The following ADCY8 variants were observed in gnomAD, a reference collection of about 807,000 sequenced individuals.
ADCY8 encodes adenylate cyclase type 8.
Under a neutral mutation model 119.7 loss-of-function variants are expected in ADCY8, and 51 were observed. That is an observed-to-expected ratio of 0.43 (90% confidence interval 0.34 to 0.54). The LOEUF is 0.54. Ranked by LOEUF, ADCY8 falls within the 20% of genes least tolerant of loss-of-function variation. The pLI, the probability that ADCY8 is intolerant of heterozygous loss-of-function variation, is 0.03. For missense variants in ADCY8, 1,383 were observed against 1,598.8 expected (o/e 0.87, Z 2.30); for synonymous variants, 665 against 651.0 (o/e 1.02, Z -0.33).
At chr8:131,011,409 T>C (rs1292317806) in intron 1 of ADCY8, among the ~76,000 whole-genome samples, 1 of 151,968 alleles carries the variant, frequency 6.6e-6, no homozygotes, top group Non-Finnish European at 1.5e-5. Context: ...GCATCTAGAG[T>C]GCTTTATGGA....
At chr8:130,893,837 C>A (rs190898888) in intron 7 of ADCY8, among the ~76,000 whole-genome samples, 3 of 135,280 alleles carry the variant, frequency 2.2e-5, no homozygotes, top group Admixed American at 2.2e-4. Context: ...TGTGGGTGTG[C>A]ATGTTTGTGT....
At chr8:130,875,111 A>G (rs899967110) in intron 8 of ADCY8, among the ~76,000 whole-genome samples, 4 of 152,210 alleles carry the variant, frequency 2.6e-5, no homozygotes, top group African/African-American at 9.6e-5. Flanking sequence ...ATTAAAAAAT[A>G]CACACGAAAT....
At chr8:130,805,004 C>A (rs1815901077) in intron 14 of ADCY8, among the ~76,000 whole-genome samples, 1 of 152,128 alleles carries the variant, frequency 6.6e-6, no homozygotes, top group Non-Finnish European at 1.5e-5. Context: ...ACCTAGGCCT[C>A]CCAAAGTGTT....
chr8:130,835,296 G>A (rs1341601263), intron 12 of ADCY8, among the ~76,000 whole-genome samples: 1 of 152,166 alleles, frequency 6.6e-6, no homozygotes, highest in Non-Finnish European at 1.5e-5. Flanking sequence ...TTGCCAATGG[G>A]AGAGACAGGG....
At chr8:130,830,112 T>C (rs192553933) in intron 12 of ADCY8, among the ~76,000 whole-genome samples, 2 of 152,304 alleles carry the variant, frequency 1.3e-5, no homozygotes, top group East Asian at 3.9e-4. Context: ...AAGAAGAAAT[T>C]ACTTAGGCAG....
intron 5 of ADCY8, among the ~76,000 whole-genome samples, chr8:130,920,970 C>T (rs1223433686): frequency 6.6e-6 from 1 of 152,242 alleles, no homozygotes; most frequent in Non-Finnish European, 1.5e-5. Flanking sequence ...CTAGCCTCCA[C>T]AATTTTGTGA....
At chr8:131,027,741 G>C (rs1463613701) in intron 1 of ADCY8, among the ~76,000 whole-genome samples, 1 of 152,188 alleles carries the variant, frequency 6.6e-6, no homozygotes, top group African/African-American at 2.4e-5. Context: ...TTAGGAGTTA[G>C]CAGCACAAAG....
chr8:130,889,902 C>G (rs1188270994), intron 7 of ADCY8, among the ~76,000 whole-genome samples: 2 of 152,116 alleles, frequency 1.3e-5, no homozygotes, highest in Non-Finnish European at 2.9e-5. Flanking sequence ...ACAAATAAGA[C>G]ATCACCTCCT....
At chr8:130,975,223 T>C (rs1822036157) in intron 2 of ADCY8, among the ~76,000 whole-genome samples, 1 of 152,214 alleles carries the variant, frequency 6.6e-6, no homozygotes, top group Admixed American at 6.5e-5. Flanking sequence ...AGAAATTATG[T>C]ACACCCTGGA....
chr8:130,921,836 G>T (rs1176937455), intron 5 of ADCY8, among the ~76,000 whole-genome samples: 2 of 152,124 alleles, frequency 1.3e-5, no homozygotes, highest in African/African-American at 4.8e-5. Context: ...ATCAGATGGT[G>T]CTGTGGTTTG....
Position 130,800,577 on chromosome 8 carries a change from A to G in ADCY8, c.2914-5T>C. 1 of 1,613,746 alleles carries G rather than the reference A, an allele frequency of 6.2e-7. No individual in the cohort carries two copies. Among genetic ancestry groups the G allele is most frequent in the Non-Finnish European group, 8.5e-7 (1 of 1,179,662 alleles). On this transcript the variant is annotated splice_region_variant and splice_polypyrimidine_tract_variant and intron_variant, in intron 14 of 17. Coordinates refer to ENST00000286355, the MANE Select transcript of ADCY8 (RefSeq NM_001115.3). ...ATAGGATTGAGAATACAGCTCCTGGACAGAGACACACAGAGGGCACCAGAA... is the reference window on the plus strand; with the variant it reads ...ATAGGATTGAGAATACAGCTCCTGGGCAGAGACACACAGAGGGCACCAGAA...
chr8:130,861,156 C>T (rs1259929835), intron 9 of ADCY8, among the ~76,000 whole-genome samples: 1 of 152,002 alleles, frequency 6.6e-6, no homozygotes, highest in Non-Finnish European at 1.5e-5. Context: ...TGTTGTTATT[C>T]TTTTATGGTA....
At chr8:130,916,218 A>C (rs1231087366) in intron 5 of ADCY8, among the ~76,000 whole-genome samples, 1 of 152,224 alleles carries the variant, frequency 6.6e-6, no homozygotes, top group Non-Finnish European at 1.5e-5. Flanking sequence ...AGGGAAATAC[A>C]AAAGGAAGTA....
intron 1 of ADCY8, among the ~76,000 whole-genome samples, chr8:131,035,326 T>A (rs1321332878): frequency 6.6e-6 from 1 of 152,166 alleles, no homozygotes; most frequent in Non-Finnish European, 1.5e-5. Context: ...TCTGAAAGTT[T>A]CTCGGTCTTT....
intron 12 of ADCY8, among the ~76,000 whole-genome samples, chr8:130,827,312 G>A (rs914649304): frequency 6.6e-6 from 1 of 152,166 alleles, no homozygotes; most frequent in Admixed American, 6.5e-5. Flanking sequence ...TCATGTTCAA[G>A]ATGGTGGCTC....
At chr8:130,813,937 G>A (rs1816254482) in intron 14 of ADCY8, 132 bp downstream of exon 14, 1 of 1,137,628 alleles carries the variant, frequency 8.8e-7, no homozygotes, top group Admixed American at 2.2e-5. Flanking sequence ...ATTTCATAGT[G>A]TTAGGAGTTT....
At chr8:130,908,845 C>T (rs916662302) in intron 6 of ADCY8, among the ~76,000 whole-genome samples, 1 of 152,076 alleles carries the variant, frequency 6.6e-6, no homozygotes, top group African/African-American at 2.4e-5. Flanking sequence ...ACTCTGATTC[C>T]ACCTCTTGTT....
chr8:130,893,100 ATGT>A (rs1294267781), intron 7 of ADCY8, among the ~76,000 whole-genome samples: 3 of 152,316 alleles, frequency 2.0e-5, no homozygotes, highest in East Asian at 3.9e-4. Context: ...AAATCAAAAA[ATGT>A]TGTTAAACTT....
chr8:130,850,661 A>G (rs1315646053), intron 9 of ADCY8, among the ~76,000 whole-genome samples: 3 of 152,130 alleles, frequency 2.0e-5, no homozygotes, highest in Non-Finnish European at 4.4e-5. Flanking sequence ...AAGTGGAGGG[A>G]AATTTTATAT....
Sources: gnomAD v4.1 joint callset for allele counts (sites outside exome capture counted in the v4.1 genomes callset) on GRCh38, gnomAD v4.1.1 for gene constraint, MANE v1.5 for transcripts, NCBI Gene and HGNC (gene_info 2026-07-23, HGNC 2026-07-21) for gene names.